Variants in MAPKAPK2 observed in about 807,000 individuals in gnomAD.
MAPKAPK2 encodes the protein MAP kinase-activated protein kinase 2.
MAPKAPK2 carries 9 observed loss-of-function variants against 48.8 expected under a neutral mutation model. The ratio of observed to expected loss-of-function variants is 0.18; its 90% CI spans 0.11 to 0.32. The LOEUF is 0.32. Among genes scored for constraint, MAPKAPK2 ranks in the 10% least tolerant of loss-of-function variants. The pLI, the probability that MAPKAPK2 is intolerant of heterozygous loss-of-function variation, is 1.00. For missense variants in MAPKAPK2, 331 were observed against 498.3 expected (o/e 0.66, Z 3.20); for synonymous variants, 202 against 190.6 (o/e 1.06, Z -0.49).
chr1:206,692,986 G>A (rs967251828), intron 1 of MAPKAPK2, among the ~76,000 whole-genome samples: 7 of 152,196 alleles, frequency 4.6e-5, no homozygotes, highest in Non-Finnish European at 7.3e-5. Context: ...AGAAGCAAAG[G>A]TGAAGTCTCT....
chr1:206,692,748 A>G (rs1432121857), intron 1 of MAPKAPK2, among the ~76,000 whole-genome samples: 1 of 152,178 alleles, frequency 6.6e-6, no homozygotes, highest in East Asian at 1.9e-4. Context: ...TGAGCCCTCC[A>G]AAAGGGTCAT....
At chr1:206,690,671 G>A (rs1472965990) in intron 1 of MAPKAPK2, among the ~76,000 whole-genome samples, 1 of 152,174 alleles carries the variant, frequency 6.6e-6, no homozygotes, top group East Asian at 1.9e-4. Flanking sequence ...TTAATCCTTG[G>A]GCTAGGGGAG....
chr1:206,728,922 C>G, intron 2 of MAPKAPK2, 73 bp downstream of exon 2: 5 of 1,611,404 alleles, frequency 3.1e-6, no homozygotes, highest in Non-Finnish European at 3.4e-6. Flanking sequence ...CCTCTGAGGA[C>G]AGCCCAGGGA....
At chr1:206,713,018 C>T (rs1159239394) in intron 1 of MAPKAPK2, among the ~76,000 whole-genome samples, 1 of 110,734 alleles carries the variant, frequency 9.0e-6, no homozygotes, top group African/African-American at 3.3e-5. Flanking sequence ...ATAGGTTTGC[C>T]ACTGAAGTTG....
At position 206,704,574 on chromosome 1, in the gene MAPKAPK2, G is replaced by A. The variant is rs1316969463; in HGVS notation, c.279+19066G>A. ...ACTTGATGAGGGAATAAAACCAGCC[G>A]GCTCATCTAGGGGCTGATATCTGTC... On this transcript the variant is annotated intron_variant, in intron 1 of 9. Transcript: ENST00000367103. The surrounding 1 kb of genome is among the most constrained non-coding windows in gnomAD (Gnocchi z 4.3). Among the ~76,000 whole-genome samples, 4 of 152,170 alleles carry A rather than the reference G, an allele frequency of 2.6e-5. No homozygotes were observed. Among genetic ancestry groups the A allele is most frequent in the South Asian group, 2.1e-4 (1 of 4,830 alleles).
intron 1 of MAPKAPK2, among the ~76,000 whole-genome samples, chr1:206,723,593 G>A (rs1185612383): frequency 4.6e-5 from 7 of 152,172 alleles, no homozygotes; most frequent in African/African-American, 9.7e-5. Context: ...CCTTGCTGAC[G>A]AGTGGCACAT....
chr1:206,685,647 C>T, intron 1 of MAPKAPK2, 139 bp downstream of exon 1: 1 of 593,254 alleles, frequency 1.7e-6, no homozygotes, highest in Non-Finnish European at 2.1e-6. Context: ...GCGGCCGGGC[C>T]GGCGGTGCCG....
At chr1:206,722,876 G>A (rs1673572313) in intron 1 of MAPKAPK2, among the ~76,000 whole-genome samples, 1 of 152,240 alleles carries the variant, frequency 6.6e-6, no homozygotes, top group Non-Finnish European at 1.5e-5. Context: ...TGCAGCAGAG[G>A]CGCCGGTGGT....
intron 1 of MAPKAPK2, among the ~76,000 whole-genome samples, chr1:206,711,388 C>T (rs1673134463): frequency 2.0e-5 from 3 of 152,016 alleles, no homozygotes; most frequent in Non-Finnish European, 4.4e-5. Flanking sequence ...GTAGCTGGTA[C>T]CACAGGTGCG....
In MAPKAPK2 at chr1:206,732,236, A is replaced by G. The variant is rs541257293; in HGVS notation, c.1059+317A>G. 27 of 1,506,500 alleles carry G rather than the reference A, an allele frequency of 1.8e-5. No homozygotes were observed. Among genetic ancestry groups the G allele is most frequent in the Admixed American group, 4.1e-5 (2 of 48,824 alleles). 93.3% of individuals were successfully genotyped at this position (1,506,500 alleles called of 1,614,324 possible). ...AAACTGAGGCCCAGAGGCGGAGGGC[A>G]GTCTGCTCAAGGTCACGCAGCTGGT... On this transcript the variant is annotated intron_variant, in intron 9 of 9. Coordinates refer to ENST00000367103, the MANE Select transcript of MAPKAPK2 (RefSeq NM_032960.4). The surrounding 1 kb of genome is among the most constrained non-coding windows in gnomAD (Gnocchi z 4.4).
intron 1 of MAPKAPK2, among the ~76,000 whole-genome samples, chr1:206,728,029 T>C (rs1673761572): frequency 6.6e-6 from 1 of 152,186 alleles, no homozygotes; most frequent in African/African-American, 2.4e-5. Flanking sequence ...CAGGTCAAGA[T>C]TGAACCCCTG....
At chr1:206,717,918 C>T (rs1023200063) in intron 1 of MAPKAPK2, among the ~76,000 whole-genome samples, 1 of 152,042 alleles carries the variant, frequency 6.6e-6, no homozygotes, top group Admixed American at 6.5e-5. Flanking sequence ...CAGTAGTCAA[C>T]ACTGCTACCT....
At chr1:206,714,725 A>G (rs1230521457) in intron 1 of MAPKAPK2, among the ~76,000 whole-genome samples, 3 of 143,418 alleles carry the variant, frequency 2.1e-5, no homozygotes, top group Admixed American at 1.5e-4. Flanking sequence ...AGATCACACC[A>G]TTGCACTCCA....
chr1:206,724,150 G>A (rs1363429034), intron 1 of MAPKAPK2, among the ~76,000 whole-genome samples: 3 of 152,214 alleles, frequency 2.0e-5, no homozygotes, highest in Non-Finnish European at 4.4e-5. Context: ...TTCAGGGCCT[G>A]TTGGCCTTCA....
In MAPKAPK2 at chr1:206,717,271, A is replaced by G. The variant is rs567913017; in HGVS notation, c.280-11439A>G. 1.4e-4 allele frequency among the ~76,000 whole-genome samples: 21 copies of G among 152,280 alleles called. No individual in the cohort carries two copies. In the East Asian group the frequency reaches 2.7e-3, roughly 20 times the overall value. On this transcript the variant is annotated intron_variant, in intron 1 of 9. Coordinates refer to ENST00000367103, the MANE Select transcript of MAPKAPK2 (RefSeq NM_032960.4). ...CCGCACCTGTACGATGGAGTCAGCA[A>G]TGGATCCTGTTCTGTAGGGCTGCTA...
In MAPKAPK2 at chr1:206,732,838, C is replaced by T. The variant is rs945530930; in HGVS notation, c.*120C>T. The T allele has an allele frequency of 8.5e-7, 1 of 1,179,562 alleles. No individual in the cohort carries two copies. The highest frequency in any genetic ancestry group is 1.2e-6 in the Non-Finnish European group (1 of 845,282). 73.1% of individuals were successfully genotyped at this position (1,179,562 alleles called of 1,614,324 possible). On this transcript the variant is annotated 3_prime_UTR_variant, in exon 10 of 10. Coordinates refer to ENST00000367103, the MANE Select transcript of MAPKAPK2 (RefSeq NM_032960.4). The surrounding 1 kb of genome is among the most constrained non-coding windows in gnomAD (Gnocchi z 4.4). ...CCTCTCCTCCTCAGCTGCATGGAGC[C>T]TGGAACTGCATCAGTGACTGAATTC...
chr1:206,720,478 A>C (rs1673479551), intron 1 of MAPKAPK2, among the ~76,000 whole-genome samples: 1 of 152,110 alleles, frequency 6.6e-6, no homozygotes, highest in South Asian at 2.1e-4. Flanking sequence ...CAGCCTCCCA[A>C]GTAGCTGGGA....
chr1:206,719,348 G>A lies in MAPKAPK2; in HGVS notation c.280-9362G>A, dbSNP rs112603416. On this transcript the variant is annotated intron_variant, in intron 1 of 9. Transcript: ENST00000367103. Reference sequence around the variant, plus strand: ...CAGGCCCCATCTTCTGGGCAGTGACGCGTGGTTGTTTTAAGGCTTTTGGTA... The same window carrying A: ...CAGGCCCCATCTTCTGGGCAGTGACACGTGGTTGTTTTAAGGCTTTTGGTA... Among the ~76,000 whole-genome samples the A allele has an allele frequency of 1.3e-4, 20 of 152,306 alleles. 2 individuals carry two copies. The highest frequency in any genetic ancestry group is 2.2e-4 in the African/African-American group (9 of 41,554).
intron 1 of MAPKAPK2, among the ~76,000 whole-genome samples, chr1:206,699,490 C>T (rs1672733794): frequency 6.6e-6 from 1 of 152,150 alleles, no homozygotes; most frequent in South Asian, 2.1e-4. Flanking sequence ...CGTATTTTGT[C>T]TGGCTGAGGA....
Sources: allele counts gnomAD v4.1 joint callset (sites outside exome capture counted in the v4.1 genomes callset), GRCh38; gene constraint gnomAD v4.1.1; non-coding constraint Gnocchi (gnomAD v3.1); transcripts MANE v1.5; gene names NCBI Gene and HGNC (gene_info 2026-07-23, HGNC 2026-07-21).